The following ETS1 variants were observed in gnomAD, a reference collection of about 807,000 sequenced individuals.
ETS1 encodes the protein protein C-ets-1.
ETS1 carries 15 observed loss-of-function variants against 58.6 expected under a neutral mutation model. The ratio of observed to expected loss-of-function variants is 0.26; its 90% CI spans 0.17 to 0.39. The LOEUF is 0.39. Ranked by LOEUF, ETS1 falls within the 10% of genes least tolerant of loss-of-function variation. The pLI, the probability that ETS1 is intolerant of heterozygous loss-of-function variation, is 1.00. For missense variants in ETS1, 417 were observed against 610.5 expected, an observed-to-expected ratio of 0.68 and a Z score of 3.34; for synonymous variants, 214 against 218.2, an observed-to-expected ratio of 0.98 and a Z score of 0.17.
chr11:128,536,306 C>T (rs901906397), intron 3 of ETS1: 1 of 151,800 alleles, frequency 6.6e-6, no homozygotes, highest in African/African-American at 2.4e-5. Context: ...AACTATAAGG[C>T]AGAAATAAAA....
chr11:128,505,564 CCA>C (rs1483481796), intron 3 of ETS1, among the ~76,000 whole-genome samples: 27 of 152,262 alleles, frequency 1.8e-4, no homozygotes, highest in African/African-American at 6.3e-4. Context: ...TGCTGCTGCC[CCA>C]GAGTCTCGCC....
At chr11:128,510,974 G>A (rs958180351) in intron 3 of ETS1, among the ~76,000 whole-genome samples, 1 of 152,260 alleles carries the variant, frequency 6.6e-6, no homozygotes, top group African/African-American at 2.4e-5. Flanking sequence ...ACTCTGCTAA[G>A]CTCTGAGTGT....
At chr11:128,484,168 A>G (rs900391968) in intron 7 of ETS1, among the ~76,000 whole-genome samples, 1 of 152,188 alleles carries the variant, frequency 6.6e-6, no homozygotes, top group South Asian at 2.1e-4. Context: ...TTTTATCACT[A>G]TTATAATAGT....
chr11:128,584,085 G>T (rs1015846639), intron 1 of ETS1, among the ~76,000 whole-genome samples: 4 of 152,110 alleles, frequency 2.6e-5, no homozygotes, highest in Admixed American at 2.0e-4. Flanking sequence ...TGTTTGGTAT[G>T]GTCTCCAGCA....
intron 1 of ETS1, among the ~76,000 whole-genome samples, chr11:128,579,705 T>C (rs1427679179): frequency 3.4e-5 from 5 of 145,526 alleles, no homozygotes; most frequent in Non-Finnish European, 6.1e-5. Flanking sequence ...CAACTAACCA[T>C]GTAAAAAAAA....
At chr11:128,572,986 G>C in intron 2 of ETS1, 76 bp downstream of exon 2, 1 of 1,182,364 alleles carries the variant, frequency 8.5e-7, no homozygotes, top group Non-Finnish European at 1.2e-6. Context: ...TCTACTGGGG[G>C]TCAGGATACA....
intron 3 of ETS1, among the ~76,000 whole-genome samples, chr11:128,550,557 C>T (rs1380490970): frequency 6.6e-6 from 1 of 152,176 alleles, no homozygotes; most frequent in African/African-American, 2.4e-5. Flanking sequence ...TTCCCTGGCC[C>T]TCTCAGAGAT....
intron 2 of ETS1, among the ~76,000 whole-genome samples, chr11:128,570,113 T>C (rs940413967): frequency 5.3e-5 from 8 of 152,202 alleles, no homozygotes; most frequent in Non-Finnish European, 1.0e-4. Context: ...AATTTTGAGA[T>C]ACCCTGCCTA....
chr11:128,565,943 C>T (rs77062693), intron 2 of ETS1, among the ~76,000 whole-genome samples: 156 of 152,256 alleles, frequency 1.0e-3, no homozygotes, highest in African/African-American at 3.5e-3. Context: ...GACTGGAGTC[C>T]GGAGGCCTAT....
chr11:128,486,544 A>T (rs1343961832), intron 5 of ETS1, among the ~76,000 whole-genome samples: 1 of 152,222 alleles, frequency 6.6e-6, no homozygotes, highest in Non-Finnish European at 1.5e-5. Context: ...AATCAATTTC[A>T]AAATTTCTCA....
chr11:128,545,468 A>C (rs1252635667), intron 3 of ETS1, among the ~76,000 whole-genome samples: 3 of 152,188 alleles, frequency 2.0e-5, no homozygotes, highest in Non-Finnish European at 4.4e-5. Context: ...TTGGGGAGGT[A>C]AGTTGACCTC....
chr11:128,522,225 T>C, intron 3 of ETS1: 1 of 1,216,674 alleles, frequency 8.2e-7, no homozygotes, highest in Non-Finnish European at 1.0e-6. Flanking sequence ...GGTCCCAGCC[T>C]CGCCCGCGCC....
At chr11:128,513,453 C>A (rs1038943083) in intron 3 of ETS1, among the ~76,000 whole-genome samples, 1 of 152,246 alleles carries the variant, frequency 6.6e-6, no homozygotes, top group Non-Finnish European at 1.5e-5. Flanking sequence ...ACTCCCGACT[C>A]TCCAGCCCAC....
chr11:128,570,688 T>C (rs77096314), intron 2 of ETS1, among the ~76,000 whole-genome samples: 1,848 of 152,338 alleles, frequency 0.012, 29 homozygotes, highest in African/African-American at 0.036. Context: ...ATTATTTATT[T>C]TAACAAATTT....
chr11:128,531,759 G>C (rs949303237), intron 3 of ETS1, among the ~76,000 whole-genome samples: 1 of 152,286 alleles, frequency 6.6e-6, no homozygotes, highest in Non-Finnish European at 1.5e-5. Flanking sequence ...TTGCACGTTT[G>C]ATAGCCAATG....
chr11:128,520,207 G>A (rs887288719), intron 3 of ETS1, among the ~76,000 whole-genome samples: 8 of 152,116 alleles, frequency 5.3e-5, no homozygotes, highest in African/African-American at 1.9e-4. Context: ...TGAAATGACG[G>A]CACCATATAC....
At chr11:128,521,962 G>T (rs779452437) in intron 3 of ETS1, 1 of 1,604,618 alleles carries the variant, frequency 6.2e-7, no homozygotes, top group South Asian at 1.1e-5. Flanking sequence ...TGATGATGGT[G>T]AGAGTCGGCT....
At chr11:128,568,910 G>A (rs568444834) in intron 2 of ETS1, among the ~76,000 whole-genome samples, 8 of 152,266 alleles carry the variant, frequency 5.3e-5, no homozygotes, top group East Asian at 1.9e-4. Flanking sequence ...AGAGCCCCTC[G>A]GAGCAGGAAC....
At chr11:128,532,667 TTC>T (rs1863915568) in intron 3 of ETS1, among the ~76,000 whole-genome samples, 1 of 152,102 alleles carries the variant, frequency 6.6e-6, no homozygotes, top group South Asian at 2.1e-4. Context: ...CTTTTTTTTT[TTC>T]CCCAGTGACT....
Sources: gnomAD v4.1 joint callset for allele counts (sites outside exome capture counted in the v4.1 genomes callset) on GRCh38, gnomAD v4.1.1 for gene constraint, MANE v1.5 for transcripts, NCBI Gene and HGNC (gene_info 2026-07-23, HGNC 2026-07-21) for gene names.